Variants in PPP5C observed in about 807,000 individuals in gnomAD.
PPP5C encodes the protein serine/threonine-protein phosphatase 5.
Under a neutral mutation model 66.7 loss-of-function variants are expected in PPP5C, and 21 were observed. The ratio of observed to expected loss-of-function variants is 0.31; its 90% CI spans 0.22 to 0.45. PPP5C has a LOEUF of 0.45. Among genes scored for constraint, PPP5C ranks in the 20% least tolerant of loss-of-function variants. The probability of loss-of-function intolerance (pLI) is 1.00; values close to 1 mark genes in which losing one functional copy is unlikely to be tolerated. For synonymous variants in PPP5C, 246 were observed against 257.4 expected, an observed-to-expected ratio of 0.96 and a Z score of 0.43; for missense variants, 464 against 675.9, an observed-to-expected ratio of 0.69 and a Z score of 3.48.
In PPP5C at chr19:46,388,178, C is replaced by T. The variant is rs1248948581; in HGVS notation, c.1136-230C>T. ...TTGAAAGCTCTATCTGGCTTCGGGGCCACAGGGGATTGAATGGGGTCTGGA... is the reference window on the plus strand; with the variant it reads ...TTGAAAGCTCTATCTGGCTTCGGGGTCACAGGGGATTGAATGGGGTCTGGA... On this transcript the variant is annotated intron_variant, in intron 9 of 12. Coordinates refer to ENST00000012443, the MANE Select transcript of PPP5C (RefSeq NM_006247.4). This position sits in a 1 kb window ranked among gnomAD's most constrained non-coding sequence, Gnocchi z 4.9. 1.5e-5 allele frequency: 8 copies of T among 519,160 alleles called. No individual in the cohort carries two copies. The highest frequency in any genetic ancestry group is 2.4e-5 in the Non-Finnish European group (7 of 292,362). 32.2% of individuals were successfully genotyped at this position (519,160 alleles called of 1,614,324 possible).
Position 46,376,653 on chromosome 19 carries a change from A to C in PPP5C, c.633+79A>C, listed in dbSNP as rs1426352819. On this transcript the variant is annotated intron_variant, in intron 4 of 12. Coordinates refer to ENST00000012443, the MANE Select transcript of PPP5C (RefSeq NM_006247.4). This position sits in a 1 kb window ranked among gnomAD's most constrained non-coding sequence, Gnocchi z 5.1. ...CACTGCCAGCCGCGGGCACTGAGCA[A>C]AACGACAGGAGAAGGGCGGCCATGA... is the stretch of plus-strand genomic sequence containing the variant. 5.8e-6 allele frequency: 9 copies of C among 1,560,196 alleles called. No homozygotes were observed. The highest frequency in any genetic ancestry group is 6.1e-6 in the Non-Finnish European group (7 of 1,150,214).
intron 1 of PPP5C, among the ~76,000 whole-genome samples, chr19:46,351,747 A>G (rs937456229): frequency 2.0e-5 from 3 of 152,202 alleles, no homozygotes; most frequent in Admixed American, 2.0e-4. Context: ...GTTTTTGGGA[A>G]GTCCCGGGCC....
chr19:46,388,471 G>C lies in PPP5C; in HGVS notation c.1176+23G>C. 1 of 1,611,046 alleles carries C rather than the reference G, an allele frequency of 6.2e-7. No individual in the cohort carries two copies. The highest frequency in any genetic ancestry group is 8.5e-7 in the Non-Finnish European group (1 of 1,177,754). ...CAGGTGAGTCTAGGGTGGGGTGCAGGGCCGGCGGGTGTGGGCTGTGGCAGC... is the reference window on the plus strand; with the variant it reads ...CAGGTGAGTCTAGGGTGGGGTGCAGCGCCGGCGGGTGTGGGCTGTGGCAGC... On this transcript the variant is annotated intron_variant, in intron 10 of 12. Coordinates refer to ENST00000012443, the MANE Select transcript of PPP5C (RefSeq NM_006247.4). The surrounding 1 kb of genome is among the most constrained non-coding windows in gnomAD (Gnocchi z 4.9).
chr19:46,359,792 T>TTC (rs1169498092), intron 2 of PPP5C, among the ~76,000 whole-genome samples: 106 of 151,274 alleles, frequency 7.0e-4, no homozygotes, highest in African/African-American at 2.4e-3. Context: ...TTTTTTTTTT[T>TTC]TTTTGAGGCG....
intron 2 of PPP5C, among the ~76,000 whole-genome samples, chr19:46,372,190 T>A (rs1344590589): frequency 6.6e-6 from 1 of 152,030 alleles, no homozygotes; most frequent in African/African-American, 2.4e-5. Flanking sequence ...TCATGTGGGT[T>A]TTTTTGTATT....
At chr19:46,370,407 C>T (rs1249175521) in intron 2 of PPP5C, among the ~76,000 whole-genome samples, 11 of 152,324 alleles carry the variant, frequency 7.2e-5, no homozygotes, top group African/African-American at 2.4e-4. Flanking sequence ...CTGTCTCCCA[C>T]CTCCACACCG....
In PPP5C at chr19:46,384,849, G is replaced by A. The variant is rs757897686; in HGVS notation, c.844G>A (p.Val282Met). Residue 282 changes from valine to methionine, a missense_variant, in exon 7 of 13, where the codon GTG becomes ATG. By Grantham distance (21) the Val-to-Met change is conservative. Coordinates refer to ENST00000012443, the MANE Select transcript of PPP5C (RefSeq NM_006247.4). ...GGACCGAGGCTCCTTCTCTGTAGAA[G>A]TGATCCTCACCCTTTTCGGCTTCAA... is the stretch of plus-strand genomic sequence containing the variant. ...FVDRGSFSVE[V>M]ILTLFGFKLL... is the part of the protein sequence containing the mutation. 3.1e-6 allele frequency: 5 copies of A among 1,614,000 alleles called. No individual in the cohort carries two copies. Among genetic ancestry groups the A allele is most frequent in the Non-Finnish European group, 4.2e-6 (5 of 1,180,004 alleles).
At chr19:46,355,419 C>T (rs111539493) in intron 2 of PPP5C, among the ~76,000 whole-genome samples, 7,584 of 152,234 alleles carry the variant, frequency 0.05, 357 homozygotes, top group African/African-American at 0.13. Context: ...CACGAGTCTG[C>T]AGTCGGTGGA....
chr19:46,353,871 T>A lies in PPP5C; in HGVS notation c.245T>A (p.Leu82Gln). 6.2e-7 allele frequency: 1 copy of A among 1,609,086 alleles called. No homozygotes were observed. The highest frequency in any genetic ancestry group is 8.5e-7 in the Non-Finnish European group (1 of 1,177,992). ...CGCACTGAGTGCTATGGCTACGCGC[T>A]GGGAGACGCCACGCGGGCCATTGAG... ...YLRTECYGYA[L>Q]GDATRAIELD... The change falls in exon 2 of 13, where the codon CTG (leucine) becomes CAG (glutamine). Residue 82 changes from leucine (L) to glutamine (Q), a missense_variant. Leu to Gln is a moderately radical substitution (Grantham distance 113, BLOSUM62 -2). Transcript: ENST00000012443.
chr19:46,352,297 G>A (rs372787836), intron 1 of PPP5C, among the ~76,000 whole-genome samples: 5 of 152,126 alleles, frequency 3.3e-5, no homozygotes, highest in African/African-American at 9.7e-5. Flanking sequence ...TGGGAGTGAG[G>A]GTGGGGACTC....
chr19:46,385,778 TA>T (rs924225395), intron 7 of PPP5C, among the ~76,000 whole-genome samples: 878 of 114,002 alleles, frequency 7.7e-3, no homozygotes, highest in Middle Eastern at 9.0e-3. Flanking sequence ...AGACTCAGTC[TA>T]AAAAAAAAAA....
rs1014005045 is a variant in PPP5C, at chr19:46,388,133, G to T, written c.1136-275G>T. On this transcript the variant is annotated intron_variant, in intron 9 of 12. Coordinates refer to ENST00000012443, the MANE Select transcript of PPP5C (RefSeq NM_006247.4). This position sits in a 1 kb window ranked among gnomAD's most constrained non-coding sequence, Gnocchi z 4.9. ...ACCAAAGGCTTTGAGTGGGAGAGGGGCCTGATCTGAATAGTGACATTGAAA... is the reference window on the plus strand; with the variant it reads ...ACCAAAGGCTTTGAGTGGGAGAGGGTCCTGATCTGAATAGTGACATTGAAA... 3.2e-5 allele frequency: 14 copies of T among 440,650 alleles called. No individual in the cohort carries two copies. Among genetic ancestry groups the T allele is most frequent in the Non-Finnish European group, 4.9e-5 (12 of 245,328 alleles). The allele number at this position is 440,650 out of a possible 1,614,324, so 27.3% of individuals were successfully genotyped here.
At chr19:46,357,489 A>G (rs1972307190) in intron 2 of PPP5C, among the ~76,000 whole-genome samples, 1 of 152,194 alleles carries the variant, frequency 6.6e-6, no homozygotes, top group Admixed American at 6.5e-5. Context: ...GTGTTCTCTT[A>G]TTGAATTAAT....
chr19:46,384,137 G>A (rs1471608315), intron 6 of PPP5C: 1 of 504,246 alleles, frequency 2.0e-6, no homozygotes, highest in Non-Finnish European at 3.5e-6. Flanking sequence ...GTCTTGGCTT[G>A]TCTTCGTCTG....
At position 46,383,909 on chromosome 19, in the gene PPP5C, C is replaced by T; in HGVS notation, c.798+31C>T. 1 of 1,529,034 alleles carries T rather than the reference C, an allele frequency of 6.5e-7. No individual in the cohort carries two copies. 94.7% of individuals were successfully genotyped at this position (1,529,034 alleles called of 1,614,324 possible). On this transcript the variant is annotated intron_variant, in intron 6 of 12. Transcript: ENST00000012443. The surrounding 1 kb of genome is among the most constrained non-coding windows in gnomAD (Gnocchi z 5.0). ...CTTCTCAGCAGAGCCACCCTCTCCC[C>T]ACCTCCACCCCCAGCCGCAGCCTCA... is the stretch of plus-strand genomic sequence containing the variant.
chr19:46,379,202 C>T (rs546474278), intron 4 of PPP5C, among the ~76,000 whole-genome samples: 79 of 152,122 alleles, frequency 5.2e-4, no homozygotes, highest in African/African-American at 1.7e-3. Flanking sequence ...TACAGGTGTG[C>T]ACCACCATGC....
In PPP5C at chr19:46,370,954, A is replaced by G. The variant is rs554723208; in HGVS notation, c.364-4650A>G. Among the ~76,000 whole-genome samples the G allele has an allele frequency of 3.3e-5, 5 of 152,208 alleles. No homozygotes were observed. In the South Asian group the frequency reaches 8.3e-4, roughly 25 times the overall value. ...ATGGGGTTTCACTATGTTAGCCAGG[A>G]TGGTCTTGATCTCCTGACCTCATGA... On this transcript the variant is annotated intron_variant, in intron 2 of 12. Coordinates refer to ENST00000012443, the MANE Select transcript of PPP5C (RefSeq NM_006247.4).
intron 2 of PPP5C, among the ~76,000 whole-genome samples, chr19:46,355,003 G>A (rs1972258992): frequency 6.6e-6 from 1 of 152,214 alleles, no homozygotes; most frequent in South Asian, 2.1e-4. Flanking sequence ...AGGGAGGCTG[G>A]CTGAATCATT....
chr19:46,360,477 T>G (rs1179995099), intron 2 of PPP5C, among the ~76,000 whole-genome samples: 1 of 152,130 alleles, frequency 6.6e-6, no homozygotes, highest in Non-Finnish European at 1.5e-5. Context: ...AATTAGATTT[T>G]TCTTTGAAAT....
Sources: gnomAD v4.1 joint callset for allele counts (sites outside exome capture counted in the v4.1 genomes callset) on GRCh38, gnomAD v4.1.1 for gene constraint, Gnocchi (gnomAD v3.1) non-coding constraint, MANE v1.5 for transcripts, NCBI Gene and HGNC (gene_info 2026-07-23, HGNC 2026-07-21) for gene names.